LPCAT4: variants seen among roughly 807,000 people sequenced by gnomAD.
The protein encoded by LPCAT4 is lysophosphatidylcholine acyltransferase 4, also known as lysophospholipid acyltransferase LPCAT4.
A neutral mutation model predicts 66.5 loss-of-function variants in LPCAT4; 30 were observed. The ratio of observed to expected loss-of-function variants is 0.45; its 90% CI spans 0.34 to 0.61. LPCAT4 has a LOEUF of 0.61. Ranked by LOEUF, LPCAT4 falls within the 20% of genes least tolerant of loss-of-function variation. LPCAT4 has a pLI of 0.01. For missense variants in LPCAT4, 557 were observed against 656.7 expected (o/e 0.85, Z 1.66); for synonymous variants, 253 against 262.1 (o/e 0.97, Z 0.34).
In LPCAT4 at chr15:34,365,084, G is replaced by A. The variant is rs1891044419; in HGVS notation, c.402C>T (p.Asp134=). 11 of 1,614,250 alleles carry A rather than the reference G, an allele frequency of 6.8e-6. No homozygotes were observed. The East Asian group carries it at 2.5e-4, about 36-fold the overall frequency. ...LVAAPHSTFF[D]PIVLLPCDLP... is the part of the protein sequence containing the mutation. ...GGTCACAGGGCAGCAGAACAATGGG[G>A]TCAAAGAAAGTGGAGTGTGGGGCAG... Residue 134 remains aspartate, a synonymous_variant, in exon 3 of 14, where the codon GAC becomes GAT. Coordinates refer to ENST00000314891, the MANE Select transcript of LPCAT4 (RefSeq NM_153613.3).
At chr15:34,362,170 A>G in intron 10 of LPCAT4, 26 bp downstream of exon 10, 2 of 1,607,914 alleles carry the variant, frequency 1.2e-6, no homozygotes, top group Non-Finnish European at 1.7e-6. Context: ...GACACTGCTC[A>G]TACCCTCATT....
Position 34,359,284 on chromosome 15 carries a change from GAGA to G in LPCAT4, c.1415_1417del (p.Phe472del). 1 of 1,538,012 alleles carries G rather than the reference GAGA, an allele frequency of 6.5e-7. No individual in the cohort carries two copies. The highest frequency in any genetic ancestry group is 1.4e-5 in the African/African-American group (1 of 72,740). ...TTTCCCATAGAGTGGGTCATGGAGG[GAGA>G]AGTTCTGGAACTGACCTGGACAAAT... On this transcript the variant is annotated inframe_deletion, in exon 14 of 14. Transcript: ENST00000314891.
chr15:34,361,157 T>C (rs1347905966), intron 11 of LPCAT4: 22 of 1,329,132 alleles, frequency 1.7e-5, no homozygotes, highest in South Asian at 5.1e-5. Context: ...TTCAGAAATT[T>C]ATAGTCCTTA....
Position 34,359,034 on chromosome 15 carries a change from T to C in LPCAT4, c.*93A>G. ...TAAAAAAACAACAACCAAACAACAA[T>C]AACAAAATTCAAACAGGAGCAGAGA... On this transcript the variant is annotated 3_prime_UTR_variant, in exon 14 of 14. Transcript: ENST00000314891. The C allele has an allele frequency of 2.9e-6, 3 of 1,038,416 alleles. No homozygotes were observed. Among genetic ancestry groups the C allele is most frequent in the South Asian group, 2.4e-5 (1 of 41,818 alleles). The allele number at this position is 1,038,416 out of a possible 1,614,324, so 64.3% of individuals were successfully genotyped here. A position where few individuals can be genotyped will look rare whatever the true frequency, so the allele number is the denominator to read the frequency against.
chr15:34,364,514 C>T (rs1230106899), intron 3 of LPCAT4: 2 of 454,366 alleles, frequency 4.4e-6, no homozygotes, highest in East Asian at 3.9e-5. Flanking sequence ...AACTCCACCT[C>T]CTGGGTTCAA....
rs775000913 is a variant in LPCAT4, at chr15:34,362,795, A to G, written c.788T>C (p.Ile263Thr). Residue 263 changes from isoleucine (I) to threonine (T), a missense_variant, in exon 8 of 14, where the codon ATT becomes ACT. Ile to Thr is a moderately conservative substitution (Grantham distance 89, BLOSUM62 -1). Transcript: ENST00000314891. ...CGGGAGCCATACCTCCACATCCACA[A>G]TGCTGCAGGGCTGAGAGGCTGTGAG... ...LWLTASQPCSIVDVEFLPVYH... is the reference protein window; with the variant it reads ...LWLTASQPCSTVDVEFLPVYH... The G allele has an allele frequency of 1.3e-5, 21 of 1,613,986 alleles. No homozygotes were observed. Among genetic ancestry groups the G allele is most frequent in the Middle Eastern group, 3.3e-4 (2 of 6,084 alleles).
Position 34,359,121 on chromosome 15 carries a change from A to T in LPCAT4, c.*6T>A. On this transcript the variant is annotated 3_prime_UTR_variant, in exon 14 of 14. Transcript: ENST00000314891. ...CTGAGGAGGAGGGGGTGAGAGGCTG[A>T]GGCACTCAGTCTCCCTTCTGCTTGG... 1 of 1,598,858 alleles carries T rather than the reference A, an allele frequency of 6.3e-7. No homozygotes were observed. Among genetic ancestry groups the T allele is most frequent in the Non-Finnish European group, 8.5e-7 (1 of 1,173,564 alleles).
chr15:34,362,652 G>A lies in LPCAT4; in HGVS notation c.805C>T (p.Leu269Phe), dbSNP rs765813864. The change falls in exon 9 of 14, where the codon CTT (leucine) becomes TTT (phenylalanine). Residue 269 changes from leucine to phenylalanine, a missense_variant. Physicochemically the swap from Leu to Phe is conservative, Grantham distance 22 (BLOSUM62 0). Coordinates refer to ENST00000314891, the MANE Select transcript of LPCAT4 (RefSeq NM_153613.3). Reference protein sequence around the residue: ...QPCSIVDVEFLPVYHPSPEES... With the variant: ...QPCSIVDVEFFPVYHPSPEES... ...TCAGGGCTGGGGTGATACACAGGAA[G>A]GAACTGAAACACAGACACACACAAT... 2 of 1,601,218 alleles carry A rather than the reference G, an allele frequency of 1.2e-6. No individual in the cohort carries two copies. The highest frequency in any genetic ancestry group is 1.7e-6 in the Non-Finnish European group (2 of 1,172,204).
chr15:34,364,327 A>G, intron 3 of LPCAT4, 21 bp from the exon 4 acceptor site: 3 of 1,514,986 alleles, frequency 2.0e-6, no homozygotes, highest in Non-Finnish European at 2.7e-6. Flanking sequence ...GAAGGATACA[A>G]AGAGGAATCA....
At chr15:34,364,122 T>C (rs375318751) in intron 4 of LPCAT4, 49 bp from the exon 5 acceptor site, 182 of 1,600,212 alleles carry the variant, frequency 1.1e-4, no homozygotes, top group Non-Finnish European at 1.5e-4. Flanking sequence ...AAGAAGGCTG[T>C]GGAGAGAGGA....
At chr15:34,361,713 T>C (rs35483472) in intron 10 of LPCAT4, among the ~76,000 whole-genome samples, 181 bp from the exon 11 acceptor site, 90,420 of 152,060 alleles carry the variant, frequency 0.59, 27,469 homozygotes, top group East Asian at 0.81. Context: ...CTTTTCTTTT[T>C]TTTTTTGACG....
At chr15:34,364,647 T>A (rs1409226830) in intron 3 of LPCAT4, 1 of 258,030 alleles carries the variant, frequency 3.9e-6, no homozygotes, top group East Asian at 8.7e-5. Context: ...AGAGACAGGG[T>A]TTCTCCATGT....
Position 34,359,312 on chromosome 15 carries a change from T to C in LPCAT4, c.1400-10A>G. On this transcript the variant is annotated splice_polypyrimidine_tract_variant and intron_variant, in intron 13 of 13. Coordinates refer to ENST00000314891, the MANE Select transcript of LPCAT4 (RefSeq NM_153613.3). ...AAGTTCTGGAACTGACCTGGACAAA[T>C]AAGAGATGGGGAAAAGTGAAAAGAT... 6.7e-7 allele frequency: 1 copy of C among 1,483,994 alleles called. No individual in the cohort carries two copies. The highest frequency in any genetic ancestry group is 8.9e-7 in the Non-Finnish European group (1 of 1,118,114). 91.9% of individuals were successfully genotyped at this position (1,483,994 alleles called of 1,614,324 possible).
At chr15:34,361,946 G>A (rs1890955009) in intron 10 of LPCAT4, among the ~76,000 whole-genome samples, 1 of 152,126 alleles carries the variant, frequency 6.6e-6, no homozygotes, top group African/African-American at 2.4e-5. Context: ...TGATCCACCC[G>A]CCTTGGCCTC....
chr15:34,363,463 G>C lies in LPCAT4; in HGVS notation c.712-7C>G, dbSNP rs1297130160. The C allele has an allele frequency of 2.5e-6, 4 of 1,614,112 alleles. No individual in the cohort carries two copies. Among genetic ancestry groups the C allele is most frequent in the Non-Finnish European group, 3.4e-6 (4 of 1,180,008 alleles). ...ATGCCCAGCTGGTGGTGTCCTATGG[G>C]AGAAACACAGGTGAGGGCATAAGAG... On this transcript the variant is annotated splice_polypyrimidine_tract_variant and splice_region_variant and intron_variant, in intron 6 of 13. Coordinates refer to ENST00000314891, the MANE Select transcript of LPCAT4 (RefSeq NM_153613.3). This position sits in a 1 kb window ranked among gnomAD's most constrained non-coding sequence, Gnocchi z 4.3.
intron 1 of LPCAT4, among the ~76,000 whole-genome samples, chr15:34,366,494 G>A (rs961896244): frequency 2.6e-5 from 4 of 152,060 alleles, no homozygotes; most frequent in African/African-American, 9.7e-5. Flanking sequence ...GCTGCAGTGC[G>A]GGGTGGAGGG....
At chr15:34,362,471 G>A in intron 9 of LPCAT4, 102 bp downstream of exon 9, 1 of 1,399,184 alleles carries the variant, frequency 7.1e-7, no homozygotes, top group Non-Finnish European at 9.8e-7. Context: ...CCTTCCCACT[G>A]CCTGCTCCTC....
Position 34,366,836 on chromosome 15 carries a change from C to T in LPCAT4, c.114+151G>A, listed in dbSNP as rs921576963. The T allele has an allele frequency of 9.1e-6, 11 of 1,203,504 alleles. No individual in the cohort carries two copies. The African/African-American group carries it at 1.4e-4, about 15-fold the overall frequency. 74.6% of individuals were successfully genotyped at this position (1,203,504 alleles called of 1,614,324 possible). A position where few individuals can be genotyped will look rare whatever the true frequency, so the allele number is the denominator to read the frequency against. ...CCAGGACTCCTTGCCCAACCGCGGC[C>T]GCCCCCACGTGCGCACCCCCGGACT... On this transcript the variant is annotated intron_variant, in intron 1 of 13. Transcript: ENST00000314891.
chr15:34,363,232 G>A lies in LPCAT4; in HGVS notation c.746+190C>T, dbSNP rs1459990727. On this transcript the variant is annotated intron_variant, in intron 7 of 13. Coordinates refer to ENST00000314891, the MANE Select transcript of LPCAT4 (RefSeq NM_153613.3). This position sits in a 1 kb window ranked among gnomAD's most constrained non-coding sequence, Gnocchi z 4.3. ...CATAATCACAGCAGGAACAGTTTAGGTGGGATAGCTAATCTAAGCACAGCC... is the reference window on the plus strand; with the variant it reads ...CATAATCACAGCAGGAACAGTTTAGATGGGATAGCTAATCTAAGCACAGCC... Among the ~76,000 whole-genome samples, 1 of 152,204 alleles carries A rather than the reference G, an allele frequency of 6.6e-6. No homozygotes were observed. Among genetic ancestry groups the A allele is most frequent in the Non-Finnish European group, 1.5e-5 (1 of 68,030 alleles).
Sources: allele counts gnomAD v4.1 joint callset (sites outside exome capture counted in the v4.1 genomes callset), GRCh38; gene constraint gnomAD v4.1.1; non-coding constraint Gnocchi (gnomAD v3.1); transcripts MANE v1.5; gene names NCBI Gene and HGNC (gene_info 2026-07-23, HGNC 2026-07-21).